The following CALN1 variants were observed in gnomAD, a reference collection of about 807,000 sequenced individuals.
The protein encoded by CALN1 is calcium-binding protein 8.
In CALN1, 17 loss-of-function variants were observed where a neutral mutation model predicts 30.6. The observed-to-expected ratio is 0.56, with a 90% confidence interval of 0.38 to 0.83. The LOEUF (loss-of-function observed/expected upper bound fraction) is 0.83, where lower values mean the gene tolerates loss of function less well. Ranked by LOEUF, CALN1 falls within the 40% of genes least tolerant of loss-of-function variation. The pLI is 0.00. For synonymous variants in CALN1, 156 were observed against 131.4 expected (o/e 1.19, Z -1.28); for missense variants, 291 against 354.9 (o/e 0.82, Z 1.45).
chr7:72,469,002 G>T, the CALN1 span, among the ~76,000 whole-genome samples: 3 of 152,008 alleles, frequency 2.0e-5, no homozygotes, highest in African/African-American at 7.3e-5. Flanking sequence ...CCATTTTGTG[G>T]GTTTCCTTTT....
At position 71,813,170 on chromosome 7, in the gene CALN1, C is replaced by A. The variant is rs377543950; in HGVS notation, c.502-2678G>T. Among the ~76,000 whole-genome samples the A allele has an allele frequency of 1.2e-4, 15 of 127,284 alleles. 1 individual carries two copies. The East Asian group carries it at 1.2e-3, about 10-fold the overall frequency. 83.5% of individuals were successfully genotyped at this position (127,284 alleles called of 152,430 possible). A position where few individuals can be genotyped will look rare whatever the true frequency, so the allele number is the denominator to read the frequency against. On this transcript the variant is annotated intron_variant, in intron 5 of 6. Coordinates refer to ENST00000395275, the MANE Select transcript of CALN1 (RefSeq NM_031468.4). ...GGCTATGTTGCCTGCCTCAGACTCC[C>A]AAGAAGCTGGGATTATAGGCATGTG...
intron 2 of CALN1, among the ~76,000 whole-genome samples, chr7:72,316,822 G>C (rs1399525432): frequency 6.6e-6 from 1 of 151,900 alleles, no homozygotes; most frequent in Admixed American, 6.6e-5. Context: ...TCACATGCGT[G>C]TAGTCCCAGC....
intron 5 of CALN1, among the ~76,000 whole-genome samples, chr7:72,002,889 G>A (rs1799596128): frequency 6.6e-6 from 1 of 152,130 alleles, no homozygotes; most frequent in African/African-American, 2.4e-5. Context: ...CAGTTATCAG[G>A]GACTGAGGAG....
At chr7:72,266,946 G>A (rs983010697) in intron 3 of CALN1, among the ~76,000 whole-genome samples, 5 of 152,158 alleles carry the variant, frequency 3.3e-5, no homozygotes, top group East Asian at 1.9e-4. Context: ...GATAAAAGAC[G>A]TATGTTGTAA....
the CALN1 span, among the ~76,000 whole-genome samples, chr7:72,454,318 C>A: frequency 6.6e-6 from 1 of 152,038 alleles, no homozygotes; most frequent in Non-Finnish European, 1.5e-5. Context: ...AGGAGGGAGA[C>A]CATCAGGGGT....
intron 5 of CALN1, among the ~76,000 whole-genome samples, chr7:71,985,160 C>A (rs1798598302): frequency 6.6e-6 from 1 of 152,024 alleles, no homozygotes. Context: ...AAAGAGAGAA[C>A]CCAACTGGCC....
At chr7:72,451,502 C>T (rs1446834121), upstream of CALN1, among the ~76,000 whole-genome samples, 1 of 152,050 alleles carries the variant, frequency 6.6e-6, no homozygotes, top group African/African-American at 2.4e-5. Context: ...CTCAACTCTC[C>T]TGGGGCCCCT....
chr7:72,323,037 T>C (rs1801004867), intron 2 of CALN1, among the ~76,000 whole-genome samples: 1 of 149,614 alleles, frequency 6.7e-6, no homozygotes. Context: ...AAAAAACCAA[T>C]TTGTAATTCA....
At position 72,345,847 on chromosome 7, in the gene CALN1, ATCTC is replaced by A. The variant is rs1165870596; in HGVS notation, c.119+57400_119+57403del. 1.1e-4 allele frequency among the ~76,000 whole-genome samples: 17 copies of A among 152,314 alleles called. No individual in the cohort carries two copies. In the South Asian group the frequency reaches 3.3e-3, roughly 30 times the overall value. Reference sequence around the variant, plus strand: ...AAACGCCTGCCGCATGAAAAGTTAAATCTCTCTGAGAGAGAACAAATGTATAGCC... The same window carrying A: ...AAACGCCTGCCGCATGAAAAGTTAAATCTGAGAGAGAACAAATGTATAGCC... On this transcript the variant is annotated intron_variant, in intron 2 of 6. Transcript: ENST00000395275.
At position 72,277,818 on chromosome 7, in the gene CALN1, T is replaced by C. The variant is rs529020987; in HGVS notation, c.244+868A>G. 3.3e-5 allele frequency among the ~76,000 whole-genome samples: 5 copies of C among 152,122 alleles called. No individual in the cohort carries two copies. The South Asian group carries it at 1.0e-3, about 32-fold the overall frequency. On this transcript the variant is annotated intron_variant, in intron 3 of 6. Transcript: ENST00000395275. ...TTGAACCATTACACTTAAAAGCAAA[T>C]ATGTGGGCCAACTGGGGTAATTTTG...
chr7:71,937,377 T>C (rs1200004968), intron 5 of CALN1, among the ~76,000 whole-genome samples: 2 of 151,746 alleles, frequency 1.3e-5, no homozygotes, highest in Non-Finnish European at 1.5e-5. Flanking sequence ...TAGATACACA[T>C]ATAAATATGT....
At chr7:72,259,300 G>A (rs1295785260) in intron 3 of CALN1, among the ~76,000 whole-genome samples, 1 of 151,838 alleles carries the variant, frequency 6.6e-6, no homozygotes, top group Non-Finnish European at 1.5e-5. Context: ...GTATATCTGG[G>A]ATAAACACTT....
chr7:72,496,701 C>T, the CALN1 span, among the ~76,000 whole-genome samples: 4 of 152,224 alleles, frequency 2.6e-5, no homozygotes, highest in East Asian at 7.7e-4. Context: ...CAAGACCTCA[C>T]CTCTACAAAA....
intron 5 of CALN1, among the ~76,000 whole-genome samples, chr7:71,867,170 A>C (rs1791635826): frequency 1.3e-5 from 2 of 151,902 alleles, no homozygotes; most frequent in Admixed American, 6.6e-5. Flanking sequence ...GGACATTTAC[A>C]GTAGCATTAC....
At chr7:72,024,096 G>A (rs897677261) in intron 4 of CALN1, among the ~76,000 whole-genome samples, 1 of 152,114 alleles carries the variant, frequency 6.6e-6, no homozygotes, top group Admixed American at 6.6e-5. Flanking sequence ...GTACATGATG[G>A]AAGTGGCAGC....
intron 5 of CALN1, among the ~76,000 whole-genome samples, chr7:71,811,122 C>T (rs1344426701): frequency 6.6e-6 from 1 of 151,894 alleles, no homozygotes; most frequent in Non-Finnish European, 1.5e-5. Context: ...GTTTTGAACT[C>T]CTGACCTCAA....
intron 5 of CALN1, among the ~76,000 whole-genome samples, chr7:71,926,173 C>T (rs11761934): frequency 6.6e-6 from 1 of 152,040 alleles, no homozygotes; most frequent in Non-Finnish European, 1.5e-5. Context: ...TTCCTCCTCT[C>T]CCCAACCCCC....
intron 3 of CALN1, among the ~76,000 whole-genome samples, chr7:72,132,529 T>C (rs1050494543): frequency 1.3e-5 from 2 of 152,068 alleles, no homozygotes; most frequent in African/African-American, 4.8e-5. Context: ...AACTGACATA[T>C]AGGTTGCTTA....
chr7:71,852,309 T>C (rs970531266), intron 5 of CALN1, among the ~76,000 whole-genome samples: 2 of 151,854 alleles, frequency 1.3e-5, no homozygotes, highest in Non-Finnish European at 2.9e-5. Context: ...GAGAAGAATG[T>C]TTGGGTTAAA....
Sources: gnomAD v4.1 joint callset for allele counts (sites outside exome capture counted in the v4.1 genomes callset) on GRCh38, gnomAD v4.1.1 for gene constraint, MANE v1.5 for transcripts, NCBI Gene and HGNC (gene_info 2026-07-23, HGNC 2026-07-21) for gene names.